Variants in SCLT1 observed in about 807,000 individuals in gnomAD.
The protein encoded by SCLT1 is sodium channel-associated protein 1.
In SCLT1, 78 loss-of-function variants were observed where a neutral mutation model predicts 112.8. The observed-to-expected ratio is 0.69, with a 90% CI of 0.58 to 0.83. The LOEUF (loss-of-function observed/expected upper bound fraction) is 0.83, where lower values mean the gene tolerates loss of function less well. Ranked by LOEUF, SCLT1 falls within the 40% of genes least tolerant of loss-of-function variation. The pLI is 0.00. For missense variants in SCLT1, 747 were observed against 770.4 expected, an observed-to-expected ratio of 0.97 and a Z score of 0.36; for synonymous variants, 257 against 254.7, an observed-to-expected ratio of 1.01 and a Z score of -0.09.
At chr4:128,962,591 G>T (rs1239884376) in intron 11 of SCLT1, among the ~76,000 whole-genome samples, 2 of 152,032 alleles carry the variant, frequency 1.3e-5, no homozygotes, top group Admixed American at 1.3e-4. Flanking sequence ...TTGTGTTTCA[G>T]AATAGAGCTA....
At chr4:129,050,567 T>C (rs1234619128) in intron 2 of SCLT1, among the ~76,000 whole-genome samples, 1 of 152,308 alleles carries the variant, frequency 6.6e-6, no homozygotes, top group East Asian at 1.9e-4. Flanking sequence ...CTTCACCCAT[T>C]TTTTGATGGG....
intron 19 of SCLT1, among the ~76,000 whole-genome samples, chr4:128,889,843 AAC>A (rs757011855): frequency 6.6e-6 from 1 of 152,228 alleles, no homozygotes; most frequent in Non-Finnish European, 1.5e-5. Flanking sequence ...GAGTTAGAAA[AAC>A]ACATTTTCTA....
At chr4:129,003,527 C>T (rs930849931) in intron 6 of SCLT1, among the ~76,000 whole-genome samples, 3 of 151,260 alleles carry the variant, frequency 2.0e-5, no homozygotes, top group African/African-American at 4.9e-5. Flanking sequence ...TAATTAAACA[C>T]ATTTGTAACA....
At chr4:128,950,467 G>A (rs1327607370) in intron 14 of SCLT1, among the ~76,000 whole-genome samples, 3 of 152,156 alleles carry the variant, frequency 2.0e-5, no homozygotes, top group Admixed American at 6.5e-5. Flanking sequence ...TAATACTAAA[G>A]CAAACATTAA....
intron 2 of SCLT1, among the ~76,000 whole-genome samples, chr4:129,076,105 C>T (rs1751441095): frequency 6.6e-6 from 1 of 152,124 alleles, no homozygotes; most frequent in Non-Finnish European, 1.5e-5. Context: ...CAGCACCCTG[C>T]TTCTTTCATA....
intron 20 of SCLT1, among the ~76,000 whole-genome samples, 161 bp from the exon 21 acceptor site, chr4:128,884,700 G>A (rs1732758480): frequency 6.6e-6 from 1 of 152,150 alleles, no homozygotes; most frequent in African/African-American, 2.4e-5. Flanking sequence ...TTGCTCTGTT[G>A]CCCAGGCTGG....
chr4:128,989,079 A>T (rs967984332), intron 9 of SCLT1, among the ~76,000 whole-genome samples: 1 of 151,940 alleles, frequency 6.6e-6, no homozygotes, highest in African/African-American at 2.4e-5. Flanking sequence ...ATCTACATAG[A>T]ATACCAACAA....
rs192440367 is a variant in SCLT1, at chr4:128,959,380, A to G, written c.1047+220T>C. Among the ~76,000 whole-genome samples the G allele has an allele frequency of 5.7e-3, 870 of 152,208 alleles. 7 individuals carry two copies. The highest frequency in any genetic ancestry group is 0.034 in the Middle Eastern group (10 of 292). ...GTTACGCAGCATCTGGGAGAATAAGAAAGTCTGATATTTATACATTATTTT... is the reference window on the plus strand; with the variant it reads ...GTTACGCAGCATCTGGGAGAATAAGGAAGTCTGATATTTATACATTATTTT... On this transcript the variant is annotated intron_variant, in intron 12 of 20. Transcript: ENST00000281142.
chr4:128,967,202 G>A (rs1293330765), intron 10 of SCLT1, among the ~76,000 whole-genome samples: 4 of 152,114 alleles, frequency 2.6e-5, no homozygotes, highest in African/African-American at 9.7e-5. Flanking sequence ...TCTTTTTATG[G>A]CTGTGTAGTA....
At chr4:129,089,892 T>C (rs1752689904) in intron 1 of SCLT1, among the ~76,000 whole-genome samples, 1 of 152,026 alleles carries the variant, frequency 6.6e-6, no homozygotes, top group African/African-American at 2.4e-5. Flanking sequence ...AGGGATAGCA[T>C]TAGGAGAAAT....
intron 4 of SCLT1, chr4:128,876,414 A>G (rs1320715060): frequency 6.6e-6 from 1 of 152,194 alleles, no homozygotes; most frequent in Non-Finnish European, 1.5e-5. Context: ...GGAAGGGCCT[A>G]TCATTGGCAG....
intron 2 of SCLT1, among the ~76,000 whole-genome samples, chr4:129,070,227 T>C (rs1489074007): frequency 6.6e-6 from 1 of 152,174 alleles, no homozygotes; most frequent in East Asian, 1.9e-4. Context: ...CTTTTTTGGA[T>C]ATGTCCTTTC....
intron 13 of SCLT1, among the ~76,000 whole-genome samples, chr4:128,955,490 C>T (rs969000732): frequency 5.9e-5 from 9 of 152,072 alleles, no homozygotes; most frequent in Non-Finnish European, 1.0e-4. Flanking sequence ...AAATAAGCCA[C>T]GTCATATTTT....
At chr4:128,977,376 T>C (rs1288197481) in intron 9 of SCLT1, among the ~76,000 whole-genome samples, 2 of 152,164 alleles carry the variant, frequency 1.3e-5, no homozygotes, top group Non-Finnish European at 2.9e-5. Flanking sequence ...ATTGAGCACC[T>C]ACATGCACCA....
Position 129,024,690 on chromosome 4 carries a change from C to T in SCLT1, c.290+14351G>A, listed in dbSNP as rs563164714. Among the ~76,000 whole-genome samples the T allele has an allele frequency of 3.9e-3, 597 of 152,312 alleles. 4 individuals carry two copies. The highest frequency in any genetic ancestry group is 6.7e-3 in the Admixed American group (102 of 15,298). ...GTTCCTCACCAGCAACGGAACAAAG[C>T]TGGACAGAGAATGACTTTGACGAGT... On this transcript the variant is annotated intron_variant, in intron 5 of 20. Transcript: ENST00000281142.
intron 18 of SCLT1, among the ~76,000 whole-genome samples, chr4:128,894,675 T>G (rs1733598616): frequency 6.6e-6 from 1 of 152,008 alleles, no homozygotes. Flanking sequence ...TATTTCTCAC[T>G]TTGTCTTTCT....
chr4:128,965,310 A>C lies in SCLT1; in HGVS notation c.786T>G (p.Asp262Glu), dbSNP rs1011825786. ...LQGQMKKKEK[D>E]VVSAHGREEA... Reference sequence around the variant, plus strand: ...CCTCTCTTCCATGGGCAGACACCACATCCTTCTCCTAGAAAATAAAGAAAC... The same window carrying C: ...CCTCTCTTCCATGGGCAGACACCACCTCCTTCTCCTAGAAAATAAAGAAAC... Residue 262 changes from aspartate to glutamate, a missense_variant, in exon 11 of 21, where the codon GAT becomes GAG. Coordinates refer to ENST00000281142, the MANE Select transcript of SCLT1 (RefSeq NM_144643.4). 6.2e-7 allele frequency: 1 copy of C among 1,602,586 alleles called. No individual in the cohort carries two copies. The highest frequency in any genetic ancestry group is 1.3e-5 in the African/African-American group (1 of 74,652).
At chr4:128,930,631 A>G (rs1736680283) in intron 18 of SCLT1, among the ~76,000 whole-genome samples, 1 of 152,222 alleles carries the variant, frequency 6.6e-6, no homozygotes. Context: ...AGATAAATAC[A>G]AAGAATGAGT....
intron 5 of SCLT1, among the ~76,000 whole-genome samples, chr4:129,027,709 T>A (rs1746253197): frequency 6.6e-6 from 1 of 152,168 alleles, no homozygotes; most frequent in South Asian, 2.1e-4. Flanking sequence ...ATAAAGGGTA[T>A]TCAATTAGGA....
Sources: gnomAD v4.1 joint callset for allele counts (sites outside exome capture counted in the v4.1 genomes callset) on GRCh38, gnomAD v4.1.1 for gene constraint, MANE v1.5 for transcripts, NCBI Gene and HGNC (gene_info 2026-07-23, HGNC 2026-07-21) for gene names.